DMXL2: variants seen among roughly 807,000 people sequenced by gnomAD.
The protein encoded by DMXL2 is dmX-like protein 2.
Under a neutral mutation model 331.1 loss-of-function variants are expected in DMXL2, and 103 were observed. The ratio of observed to expected loss-of-function variants is 0.31; its 90% CI spans 0.27 to 0.37. DMXL2 has a LOEUF of 0.37. Ranked by LOEUF, DMXL2 falls within the 10% of genes least tolerant of loss-of-function variation. DMXL2 has a pLI of 1.00. For missense variants in DMXL2, 3,171 were observed against 3,642.9 expected (o/e 0.87, Z 3.33); for synonymous variants, 1,281 against 1,252.1 (o/e 1.02, Z -0.49).
chr15:51,541,921 A>C (rs1201546756), intron 9 of DMXL2, among the ~76,000 whole-genome samples: 2 of 152,214 alleles, frequency 1.3e-5, no homozygotes, highest in African/African-American at 4.8e-5. Flanking sequence ...AAGGGTAGAA[A>C]ACAAGATATG....
In DMXL2 at chr15:51,450,124, C is replaced by T; in HGVS notation, c.8967+5G>A. ...AGCACATTCCAACCTCTTGTACTGA[C>T]TCACCTTTATGTTACCTTCTGCTGA... On this transcript the variant is annotated splice_donor_5th_base_variant and intron_variant, in intron 43 of 43. Coordinates refer to ENST00000560891, the MANE Select transcript of DMXL2 (RefSeq NM_001378457.1). The T allele has an allele frequency of 6.2e-7, 1 of 1,613,414 alleles. No individual in the cohort carries two copies.
intron 29 of DMXL2, 41 bp downstream of exon 29, chr15:51,471,182 G>A: frequency 6.4e-7 from 1 of 1,566,808 alleles, no homozygotes; most frequent in East Asian, 2.3e-5. Flanking sequence ...TAAAATAGAT[G>A]ATAGACTTCT....
rs767377074 is a variant in DMXL2 at position 51,480,683 on chromosome 15, T to C, written c.6423A>G (p.Ala2141=). The change falls in exon 24 of 44, where the codon GCA becomes GCG. Residue 2141 remains alanine, a synonymous_variant. Transcript: ENST00000560891. ...RRRLQAKREH[A]ERRKSWLQKN... ...TCTGCAACCACGACTTTCGTCTTTCTGCATGCTCTCGTTTGGCCTGCAATC... is the reference window on the plus strand; with the variant it reads ...TCTGCAACCACGACTTTCGTCTTTCCGCATGCTCTCGTTTGGCCTGCAATC... 1 of 1,612,854 alleles carries C rather than the reference T, an allele frequency of 6.2e-7. No homozygotes were observed. The highest frequency in any genetic ancestry group is 8.5e-7 in the Non-Finnish European group (1 of 1,179,002).
rs539855738 is a variant in DMXL2, at chr15:51,579,936, C to T, written c.88-3755G>A. The stretch of plus-strand genomic sequence containing the variant: ...CTTTTGAAGACAGAGAAGCTGAGGC[C>T]CAGAAAGGGTAAGTAATTTGCCCTA... On this transcript the variant is annotated intron_variant, in intron 1 of 43. Transcript: ENST00000560891. 1.4e-3 allele frequency among the ~76,000 whole-genome samples: 214 copies of T among 152,160 alleles called. 1 individual carries two copies. The highest frequency in any genetic ancestry group is 5.0e-3 in the African/African-American group (206 of 41,510).
At chr15:51,604,800 A>C (rs996802703) in intron 1 of DMXL2, among the ~76,000 whole-genome samples, 7 of 152,230 alleles carry the variant, frequency 4.6e-5, no homozygotes, top group African/African-American at 9.6e-5. Flanking sequence ...TTGTAAAAAA[A>C]GAGAATAAAG....
intron 34 of DMXL2, 55 bp from the exon 35 acceptor site, chr15:51,458,850 T>C: frequency 5.7e-6 from 8 of 1,395,350 alleles, no homozygotes; most frequent in Non-Finnish European, 7.1e-6. Flanking sequence ...TATTTAGAGT[T>C]ATGCACATCC....
intron 1 of DMXL2, among the ~76,000 whole-genome samples, chr15:51,581,341 CTG>C (rs1226994679): frequency 1.3e-5 from 2 of 152,168 alleles, no homozygotes; most frequent in Non-Finnish European, 2.9e-5. Context: ...TGTAGAAAAA[CTG>C]TCTTCCACAA....
intron 40 of DMXL2, chr15:51,454,074 G>C (rs1044701682): frequency 5.8e-6 from 1 of 172,244 alleles, no homozygotes; most frequent in Non-Finnish European, 1.2e-5. Flanking sequence ...TGGAATTATA[G>C]TGGTACAGAT....
rs58113467 is a variant in DMXL2 at position 51,605,517 on chromosome 15, CTTTTTTTTTTTTTTTTTTTTTTTTT to C, written c.87+16917_87+16941del. Among the ~76,000 whole-genome samples, 7 of 22,228 alleles carry C rather than the reference CTTTTTTTTTTTTTTTTTTTTTTTTT, an allele frequency of 3.1e-4. 2 individuals are homozygous for C. The highest frequency in any genetic ancestry group is 1.4e-3 in the Admixed American group (2 of 1,414). 14.6% of individuals were successfully genotyped at this position (22,228 alleles called of 152,430 possible). ...GGCCCAGCCCATACAGATTAATATT[CTTTTTTTTTTTTTTTTTTTTTTTTT>C]TTTTTTTTTTTTGAGACGGAGTCTC... On this transcript the variant is annotated intron_variant, in intron 1 of 43. Coordinates refer to ENST00000560891, the MANE Select transcript of DMXL2 (RefSeq NM_001378457.1).
chr15:51,593,877 G>C (rs975567581), intron 1 of DMXL2, among the ~76,000 whole-genome samples: 1 of 152,182 alleles, frequency 6.6e-6, no homozygotes, highest in African/African-American at 2.4e-5. Flanking sequence ...TGAGAACAAA[G>C]ACATGACATA....
chr15:51,486,640 A>G lies in DMXL2; in HGVS notation c.5218-303T>C, dbSNP rs112149529. ...TTCATTTTTAAATTAAATACTATAT[A>G]TGACACTAGAATTTATATACCACTT... is the stretch of plus-strand genomic sequence containing the variant. On this transcript the variant is annotated intron_variant, in intron 22 of 43. Coordinates refer to ENST00000560891, the MANE Select transcript of DMXL2 (RefSeq NM_001378457.1). Among the ~76,000 whole-genome samples, 3 of 152,298 alleles carry G rather than the reference A, an allele frequency of 2.0e-5. 1 individual carries two copies. Among genetic ancestry groups the G allele is most frequent in the African/African-American group, 7.2e-5 (3 of 41,550 alleles).
In DMXL2 at chr15:51,458,649, G is replaced by A. The variant is rs7165887; in HGVS notation, c.8077-22C>T. On this transcript the variant is annotated intron_variant, in intron 35 of 43. Coordinates refer to ENST00000560891, the MANE Select transcript of DMXL2 (RefSeq NM_001378457.1). ...TTGCCTATAAAGCAAAGGCAGAATC[G>A]ATGATTTAAGCAATTTCACTAAGGA... 795,614 of 1,612,902 alleles carry A rather than the reference G, an allele frequency of 0.49. 197,915 individuals are homozygous for A. The highest frequency in any genetic ancestry group is 0.51 in the Non-Finnish European group (599,853 of 1,179,188).
intron 41 of DMXL2, among the ~76,000 whole-genome samples, chr15:51,452,059 CAAAATAA>C (rs1204940664): frequency 1.3e-5 from 2 of 152,144 alleles, no homozygotes; most frequent in East Asian, 3.8e-4. Context: ...CATGTGAGGT[CAAAATAA>C]ATGTTGAGAA....
At chr15:51,449,933 T>TA (rs2038987125) in intron 43 of DMXL2, among the ~76,000 whole-genome samples, 196 bp downstream of exon 43, 1 of 152,170 alleles carries the variant, frequency 6.6e-6, no homozygotes, top group Non-Finnish European at 1.5e-5. Context: ...ATGAGTTTGA[T>TA]AATCTCATTG....
chr15:51,588,669 G>A (rs1441760027), intron 1 of DMXL2, among the ~76,000 whole-genome samples: 2 of 152,160 alleles, frequency 1.3e-5, no homozygotes, highest in African/African-American at 4.8e-5. Context: ...AGTCGTAACA[G>A]TGTCCCAAAA....
intron 13 of DMXL2, among the ~76,000 whole-genome samples, chr15:51,517,918 T>C (rs550191742): frequency 4.6e-5 from 7 of 152,272 alleles, no homozygotes; most frequent in Admixed American, 2.0e-4. Context: ...TGTAAGAAAA[T>C]TGATTCTAGG....
intron 16 of DMXL2, among the ~76,000 whole-genome samples, chr15:51,503,703 AGAG>A (rs1039870174): frequency 1.3e-5 from 2 of 151,420 alleles, no homozygotes; most frequent in Non-Finnish European, 2.9e-5. Flanking sequence ...AAGAGCTAGA[AGAG>A]AAGATCTGAA....
intron 1 of DMXL2, among the ~76,000 whole-genome samples, chr15:51,586,995 AAATCAATACTGT>A (rs2051884554): frequency 6.6e-6 from 1 of 151,768 alleles, no homozygotes; most frequent in Non-Finnish European, 1.5e-5. Flanking sequence ...AAAAAAAAAA[AAATCAATACTGT>A]AAAAATCAGT....
At chr15:51,580,216 AT>A in intron 1 of DMXL2, among the ~76,000 whole-genome samples, 1 of 152,302 alleles carries the variant, frequency 6.6e-6, no homozygotes, top group East Asian at 1.9e-4. Context: ...ATTTTGTTCC[AT>A]TCTTTTTCAG....
Sources: gnomAD v4.1 joint callset for allele counts (sites outside exome capture counted in the v4.1 genomes callset) on GRCh38, gnomAD v4.1.1 for gene constraint, MANE v1.5 for transcripts, NCBI Gene and HGNC (gene_info 2026-07-23, HGNC 2026-07-21) for gene names.